The following MAF variants were observed in gnomAD, a reference collection of about 807,000 sequenced individuals.
MAF encodes transcription factor Maf.
MAF carries 10 observed loss-of-function variants against 22.0 expected under a neutral mutation model. That is an observed-to-expected ratio of 0.45 (90% CI 0.28 to 0.77). The LOEUF (loss-of-function observed/expected upper bound fraction) is 0.77. Among genes scored for constraint, MAF ranks in the 30% least tolerant of loss-of-function variants. MAF has a pLI of 0.12. For missense variants in MAF, 544 were observed against 548.4 expected (o/e 0.99, Z 0.08); for synonymous variants, 337 against 255.8 (o/e 1.32, Z -3.03).
the MAF span, among the ~76,000 whole-genome samples, chr16:79,346,175 C>G: frequency 6.9e-6 from 1 of 144,322 alleles, no homozygotes; most frequent in Non-Finnish European, 1.5e-5. Context: ...CTATTCCTCC[C>G]CGCTCCCCCC....
At chr16:79,368,754 A>C in the MAF span, among the ~76,000 whole-genome samples, 1 of 152,036 alleles carries the variant, frequency 6.6e-6, no homozygotes, top group Non-Finnish European at 1.5e-5. Flanking sequence ...ACTTTTGCAA[A>C]TGCTCTTCCC....
the MAF span, among the ~76,000 whole-genome samples, chr16:79,304,448 A>G: frequency 1.3e-5 from 2 of 152,184 alleles, no homozygotes; most frequent in Non-Finnish European, 2.9e-5. Flanking sequence ...TTTTTAAAAA[A>G]TAGAATTTTG....
At chr16:79,486,749 A>C in the MAF span, among the ~76,000 whole-genome samples, 1 of 152,236 alleles carries the variant, frequency 6.6e-6, no homozygotes, top group Admixed American at 6.5e-5. Flanking sequence ...TTCCTCTGTA[A>C]CATTACTTGG....
the MAF span, among the ~76,000 whole-genome samples, chr16:79,542,069 C>T: frequency 1.3e-5 from 2 of 152,202 alleles, no homozygotes; most frequent in African/African-American, 2.4e-5. Flanking sequence ...GGTCCCAGTT[C>T]TCCTGACTCC....
the MAF span, among the ~76,000 whole-genome samples, chr16:79,466,894 T>A: frequency 0.034 from 5,193 of 152,268 alleles, 99 homozygotes; most frequent in South Asian, 0.054. Flanking sequence ...ATCTGTGGCT[T>A]TTACCAGTGT....
the MAF span, among the ~76,000 whole-genome samples, chr16:79,349,544 C>G: frequency 6.6e-6 from 1 of 152,190 alleles, no homozygotes; most frequent in African/African-American, 2.4e-5. Flanking sequence ...TAACCACCAG[C>G]AGACACCAGA....
At chr16:79,514,290 G>A in the MAF span, among the ~76,000 whole-genome samples, 1 of 152,230 alleles carries the variant, frequency 6.6e-6, no homozygotes, top group African/African-American at 2.4e-5. Context: ...ATTCAAATGT[G>A]TAGCAGAATT....
At chr16:79,583,791 G>A (rs568715262), downstream of MAF, among the ~76,000 whole-genome samples, 1 of 151,876 alleles carries the variant, frequency 6.6e-6, no homozygotes, top group African/African-American at 2.4e-5. Context: ...ATCATCATGT[G>A]TTTCCCTGGC....
chr16:79,473,796 G>T, the MAF span, among the ~76,000 whole-genome samples: 693 of 152,248 alleles, frequency 4.6e-3, 8 homozygotes, highest in African/African-American at 0.016. Flanking sequence ...AGATACAGCT[G>T]ATCTGGGTGA....
chr16:79,579,319 A>T, the MAF span, among the ~76,000 whole-genome samples: 1 of 152,250 alleles, frequency 6.6e-6, no homozygotes, highest in African/African-American at 2.4e-5. Flanking sequence ...AAAAAGTCAC[A>T]GTTTCAGAAG....
the MAF span, among the ~76,000 whole-genome samples, chr16:79,553,706 C>A: frequency 9.9e-5 from 15 of 152,280 alleles, no homozygotes; most frequent in African/African-American, 3.6e-4. Context: ...CTTGAAAGGG[C>A]GTCTAGCATG....
chr16:79,451,036 C>T, the MAF span, among the ~76,000 whole-genome samples: 2 of 152,104 alleles, frequency 1.3e-5, no homozygotes, highest in Non-Finnish European at 2.9e-5. Context: ...ACCTGTACAG[C>T]AACACTTCTG....
At chr16:79,291,539 G>C in the MAF span, among the ~76,000 whole-genome samples, 1 of 151,110 alleles carries the variant, frequency 6.6e-6, no homozygotes, top group Non-Finnish European at 1.5e-5. Flanking sequence ...TAAGACCTTT[G>C]TAACTAGTTG....
At chr16:79,431,469 G>T in the MAF span, among the ~76,000 whole-genome samples, 1 of 152,172 alleles carries the variant, frequency 6.6e-6, no homozygotes, top group Non-Finnish European at 1.5e-5. Flanking sequence ...CATACACTGT[G>T]CATCTTATTA....
the MAF span, among the ~76,000 whole-genome samples, chr16:79,485,376 C>T: frequency 6.6e-6 from 1 of 152,294 alleles, no homozygotes; most frequent in African/African-American, 2.4e-5. Flanking sequence ...TCTCTGTCAC[C>T]CATTTGTTGT....
Position 79,595,775 on chromosome 16 carries a change from G to C in MAF, c.1119-1222C>G, listed in dbSNP as rs185946882. Reference sequence around the variant, plus strand: ...ATAGCATGATCTGAAATCATTACTAGCTCATCCAGGTAGAGAAGTTCTCCA... The same window carrying C: ...ATAGCATGATCTGAAATCATTACTACCTCATCCAGGTAGAGAAGTTCTCCA... On this transcript the variant is annotated intron_variant, in intron 1 of 1. Coordinates refer to ENST00000326043, the MANE Select transcript of MAF (RefSeq NM_005360.5). 271 of 1,056,650 alleles carry C rather than the reference G, an allele frequency of 2.6e-4. 1 individual carries two copies. Among genetic ancestry groups the C allele is most frequent in the Non-Finnish European group, 1.3e-4 (116 of 873,906 alleles). The allele number at this position is 1,056,650 out of a possible 1,614,324, so 65.5% of individuals were successfully genotyped here.
chr16:79,248,607 C>T, the MAF span, among the ~76,000 whole-genome samples: 1 of 152,050 alleles, frequency 6.6e-6, no homozygotes, highest in African/African-American at 2.4e-5. Context: ...CACTTGGCTC[C>T]TTCTCAATTC....
chr16:79,508,284 C>T, the MAF span, among the ~76,000 whole-genome samples: 2 of 152,180 alleles, frequency 1.3e-5, no homozygotes, highest in African/African-American at 4.8e-5. Context: ...CTTCTGGCTT[C>T]TTGTTGGACT....
At chr16:79,416,636 G>T in the MAF span, among the ~76,000 whole-genome samples, 1 of 152,160 alleles carries the variant, frequency 6.6e-6, no homozygotes, top group Non-Finnish European at 1.5e-5. Flanking sequence ...AGAAAGGAAA[G>T]ACGTGACTCA....
Sources: allele counts gnomAD v4.1 joint callset (sites outside exome capture counted in the v4.1 genomes callset), GRCh38; gene constraint gnomAD v4.1.1; transcripts MANE v1.5; gene names NCBI Gene and HGNC (gene_info 2026-07-23, HGNC 2026-07-21).